TBL1X: variants seen among roughly 807,000 people sequenced by gnomAD.
TBL1X encodes transducin beta like 1 X-linked.
TBL1X carries 10 observed loss-of-function variants against 50.7 expected under a neutral mutation model. The ratio of observed to expected loss-of-function variants is 0.20; its 90% CI spans 0.12 to 0.33. TBL1X has a LOEUF of 0.33. TBL1X is among the 10% of genes least tolerant of loss of function. The probability of loss-of-function intolerance (pLI) is 1.00; values close to 1 mark genes in which losing one functional copy is unlikely to be tolerated. For synonymous variants in TBL1X, 190 were observed against 214.7 expected (o/e 0.88, Z 1.01); for missense variants, 340 against 504.4 (o/e 0.67, Z 3.12).
chrX:9,641,486 GAT>G (rs1258723112), intron 3 of TBL1X, among the ~76,000 whole-genome samples: 1 of 112,460 alleles, frequency 8.9e-6, no homozygotes, highest in African/African-American at 3.2e-5. Context: ...AAAGTGTAAA[GAT>G]AGAATTTTGA....
intron 12 of TBL1X, 61 bp downstream of exon 12, chrX:9,697,490 G>C (rs2083139071): frequency 8.4e-7 from 1 of 1,197,002 alleles, no homozygotes; most frequent in South Asian, 1.8e-5. Context: ...TAATAATTCA[G>C]GTCGAGCCCA....
intron 2 of TBL1X, among the ~76,000 whole-genome samples, chrX:9,558,448 T>A (rs2681654): frequency 9.3e-6 from 1 of 107,150 alleles, no homozygotes; most frequent in African/African-American, 3.4e-5. Flanking sequence ...ACCTGGGAGG[T>A]GCAGGCTGCA....
At chrX:9,544,283 C>T (rs1267829842) in intron 2 of TBL1X, among the ~76,000 whole-genome samples, 1 of 111,824 alleles carries the variant, frequency 8.9e-6, no homozygotes, top group African/African-American at 3.3e-5. Context: ...CCCATGGTGT[C>T]TGGAAAGCGG....
intron 3 of TBL1X, among the ~76,000 whole-genome samples, chrX:9,648,690 ACACCAGTGTGCC>A (rs907760025): frequency 8.9e-6 from 1 of 112,437 alleles, no homozygotes; most frequent in South Asian, 3.7e-4. Flanking sequence ...CAGGAACGGC[ACACCAGTGTGCC>A]ATCACTCAAG....
At chrX:9,584,692 A>G (rs1007844104) in intron 2 of TBL1X, among the ~76,000 whole-genome samples, 4 of 112,432 alleles carry the variant, frequency 3.6e-5, no homozygotes, top group Non-Finnish European at 7.5e-5. Flanking sequence ...AAAAGTATAG[A>G]TATTCAGCCA....
chrX:9,475,227 T>C (rs1001553189), intron 1 of TBL1X, among the ~76,000 whole-genome samples: 2 of 111,535 alleles, frequency 1.8e-5, no homozygotes, highest in African/African-American at 6.5e-5. Flanking sequence ...TGTTTTGTTT[T>C]TTTGCATTTC....
chrX:9,548,323 C>T (rs1353630612), intron 2 of TBL1X, among the ~76,000 whole-genome samples: 2 of 111,681 alleles, frequency 1.8e-5, no homozygotes, highest in Non-Finnish European at 3.8e-5. Flanking sequence ...CAGCTCCCAT[C>T]CTTATCCCAC....
In TBL1X at chrX:9,637,216, C is replaced by CT. The variant is rs1043042919; in HGVS notation, c.-130-3054dup. The CT allele has an allele frequency of 2.7e-5, 3 of 111,953 alleles. No individual in the cohort carries two copies. In the South Asian group the frequency reaches 1.1e-3, roughly 42 times the overall value. 9.2% of individuals were successfully genotyped at this position (111,953 alleles called of 1,213,427 possible). A position where few individuals can be genotyped will look rare whatever the true frequency, so the allele number is the denominator to read the frequency against. ...ATAGCAGACCATTCTGTGTCCTTTT[C>CT]TTTAAAACTATCTCTTGAAATTTTC... On this transcript the variant is annotated intron_variant, in intron 2 of 17. Transcript: ENST00000645353.
At chrX:9,683,829 T>C in intron 5 of TBL1X, 1 of 474,357 alleles carries the variant, frequency 2.1e-6, no homozygotes, top group Non-Finnish European at 3.7e-6. Flanking sequence ...ATACCAATCC[T>C]GGTCTTCCTG....
At chrX:9,625,276 T>C (rs1405145837) in intron 2 of TBL1X, among the ~76,000 whole-genome samples, 1 of 112,438 alleles carries the variant, frequency 8.9e-6, no homozygotes, top group Non-Finnish European at 1.9e-5. Context: ...CAATGACCAG[T>C]GAGTGTAGCT....
intron 5 of TBL1X, among the ~76,000 whole-genome samples, chrX:9,674,342 C>G (rs1465364424): frequency 9.0e-6 from 1 of 110,663 alleles, no homozygotes; most frequent in Non-Finnish European, 1.9e-5. Context: ...TCACTGCAGC[C>G]TCAGCCTCCT....
chrX:9,465,783 C>T (rs1601695463), intron 1 of TBL1X, among the ~76,000 whole-genome samples: 1 of 113,043 alleles, frequency 8.8e-6, no homozygotes, highest in African/African-American at 3.2e-5. Flanking sequence ...GGCTTTTCCT[C>T]CGGTGCCCCT....
chrX:9,587,959 C>T (rs749868164), intron 2 of TBL1X, among the ~76,000 whole-genome samples: 6 of 111,477 alleles, frequency 5.4e-5, no homozygotes, highest in Non-Finnish European at 1.1e-4. Context: ...TGTGGTAGCA[C>T]GTGCCAGACA....
At chrX:9,558,324 C>G (rs2082309765) in intron 2 of TBL1X, among the ~76,000 whole-genome samples, 1 of 111,373 alleles carries the variant, frequency 9.0e-6, no homozygotes, top group African/African-American at 3.3e-5. Context: ...TAGAGACTAG[C>G]CTGGCCAACA....
intron 2 of TBL1X, among the ~76,000 whole-genome samples, chrX:9,509,983 C>G (rs1174795740): frequency 9.0e-6 from 1 of 111,483 alleles, no homozygotes; most frequent in Non-Finnish European, 1.9e-5. Context: ...TTCTAGAGAG[C>G]TACACCTCAC....
At chrX:9,708,703 CAAAAA>C (rs35805085) in intron 13 of TBL1X, among the ~76,000 whole-genome samples, 23 of 72,188 alleles carry the variant, frequency 3.2e-4, no homozygotes, top group African/African-American at 6.3e-4. Context: ...GCAAAAATCC[CAAAAA>C]AAAAAAAAAA....
intron 2 of TBL1X, among the ~76,000 whole-genome samples, chrX:9,518,032 G>A (rs1347456478): frequency 1.9e-5 from 2 of 106,933 alleles, no homozygotes; most frequent in Non-Finnish European, 3.8e-5. Flanking sequence ...CCAGGAGTTC[G>A]AGGCTGCAGT....
chrX:9,710,327 C>T (rs1031355787), intron 15 of TBL1X, among the ~76,000 whole-genome samples: 4 of 110,118 alleles, frequency 3.6e-5, no homozygotes, highest in Non-Finnish European at 5.7e-5. Flanking sequence ...TGACGGTGCT[C>T]GAATTAAGGT....
At chrX:9,713,426 CTTT>C (rs1159464236) in intron 16 of TBL1X, among the ~76,000 whole-genome samples, 1 of 78,496 alleles carries the variant, frequency 1.3e-5, no homozygotes, top group Non-Finnish European at 2.4e-5. Context: ...TAGGACTTTT[CTTT>C]TTTTTTTTTT....
Sources: allele counts gnomAD v4.1 joint callset (sites outside exome capture counted in the v4.1 genomes callset), GRCh38; gene constraint gnomAD v4.1.1; transcripts MANE v1.5; gene names NCBI Gene and HGNC (gene_info 2026-07-23, HGNC 2026-07-21).